The following COL28A1 variants were observed in gnomAD, a reference collection of about 807,000 sequenced individuals.
The protein encoded by COL28A1 is collagen type XXVIII alpha 1 chain.
COL28A1 carries 161 observed loss-of-function variants against 150.2 expected under a neutral mutation model. The observed-to-expected ratio is 1.07, with a 90% CI of 0.94 to 1.22. The LOEUF is 1.22. COL28A1 is among the 50% of genes most tolerant of loss of function. The pLI is 0.00. For missense variants in COL28A1, 1,617 were observed against 1,388.3 expected (o/e 1.16, Z -2.62); for synonymous variants, 552 against 469.7 (o/e 1.18, Z -2.26).
chr7:7,509,641 T>G (rs892409910), intron 9 of COL28A1, among the ~76,000 whole-genome samples: 1 of 150,242 alleles, frequency 6.7e-6, no homozygotes, highest in African/African-American at 2.4e-5. Flanking sequence ...AGTGGGTTTT[T>G]TTTGTTGTTG....
At chr7:7,368,445 C>G (rs1781053731) in intron 33 of COL28A1, among the ~76,000 whole-genome samples, 1 of 151,514 alleles carries the variant, frequency 6.6e-6, no homozygotes, top group African/African-American at 2.4e-5. Context: ...TTGAAAAACT[C>G]CTAGTTATTC....
At position 7,473,221 on chromosome 7, in the gene COL28A1, G is replaced by A. The variant is rs142809836; in HGVS notation, c.1302+1380C>T. Reference sequence around the variant, plus strand: ...AAGCTTTTTCACAGCAAAAGGCACAGCAAAAGGAACGGTTAGCAGAGTAAA... The same window carrying A: ...AAGCTTTTTCACAGCAAAAGGCACAACAAAAGGAACGGTTAGCAGAGTAAA... On this transcript the variant is annotated intron_variant, in intron 15 of 34. Transcript: ENST00000399429. Among the ~76,000 whole-genome samples the A allele has an allele frequency of 6.1e-4, 93 of 152,252 alleles. 1 individual carries two copies. Among genetic ancestry groups the A allele is most frequent in the African/African-American group, 2.0e-3 (85 of 41,554 alleles).
chr7:7,524,400 A>C (rs1028724317), intron 3 of COL28A1, 151 bp from the exon 4 acceptor site: 7 of 616,280 alleles, frequency 1.1e-5, no homozygotes, highest in African/African-American at 3.7e-5. Flanking sequence ...AAAACCAACC[A>C]GCCAACCACC....
chr7:7,346,535 C>A, the COL28A1 span, among the ~76,000 whole-genome samples: 93,091 of 151,864 alleles, frequency 0.61, 32,521 homozygotes, highest in East Asian at 0.87. Context: ...GTGGAAGTAG[C>A]AACTAAAGAA....
rs757545225 is a variant in COL28A1 at position 7,375,499 on chromosome 7, T to C, written c.2323-2A>G. On this transcript the variant is annotated splice_acceptor_variant, in intron 30 of 34. Transcript: ENST00000399429. LOFTEE classifies it high-confidence loss of function. Reference sequence around the variant, plus strand: ...AATAAGTTTGATAATTTCTTCTTTCTAGGGGATAAAAAGAAAAATGTATTA... The same window carrying C: ...AATAAGTTTGATAATTTCTTCTTTCCAGGGGATAAAAAGAAAAATGTATTA... The C allele has an allele frequency of 1.3e-6, 2 of 1,547,054 alleles. No homozygotes were observed. The highest frequency in any genetic ancestry group is 8.9e-7 in the Non-Finnish European group (1 of 1,128,138).
At chr7:7,397,124 A>G (rs1283888967) in intron 27 of COL28A1, among the ~76,000 whole-genome samples, 1 of 152,218 alleles carries the variant, frequency 6.6e-6, no homozygotes, top group East Asian at 1.9e-4. Flanking sequence ...GAAGTCTGAA[A>G]TCAATTTCAC....
intron 11 of COL28A1, among the ~76,000 whole-genome samples, chr7:7,498,450 T>G (rs1780337425): frequency 6.6e-6 from 1 of 152,100 alleles, no homozygotes; most frequent in Non-Finnish European, 1.5e-5. Flanking sequence ...AACTTACCCT[T>G]GGAGGCTGGG....
chr7:7,362,378 T>C (rs2128278951), intron 33 of COL28A1, among the ~76,000 whole-genome samples: 1 of 152,324 alleles, frequency 6.6e-6, no homozygotes, highest in East Asian at 1.9e-4. Flanking sequence ...TTTTTATTTA[T>C]TTAAATAGTC....
intron 17 of COL28A1, among the ~76,000 whole-genome samples, chr7:7,452,593 T>C (rs1786794719): frequency 6.6e-6 from 1 of 152,204 alleles, no homozygotes; most frequent in African/African-American, 2.4e-5. Flanking sequence ...GTTTGATGTA[T>C]ATATGGTCTG....
intron 26 of COL28A1, 77 bp from the exon 27 acceptor site, chr7:7,418,004 T>C: frequency 8.7e-7 from 1 of 1,146,134 alleles, no homozygotes; most frequent in Admixed American, 2.2e-5. Flanking sequence ...ATTACTACTC[T>C]CAGCTGCATT....
chr7:7,459,020 C>T (rs927052237), intron 15 of COL28A1, among the ~76,000 whole-genome samples: 14 of 152,086 alleles, frequency 9.2e-5, no homozygotes, highest in African/African-American at 3.4e-4. Flanking sequence ...ACATCAAGCC[C>T]TCTGAATCTA....
chr7:7,417,756 A>G, intron 27 of COL28A1, 103 bp downstream of exon 27: 1 of 941,290 alleles, frequency 1.1e-6, no homozygotes, highest in Non-Finnish European at 1.7e-6. Flanking sequence ...GAGGCTCACA[A>G]TAAATCTATT....
the COL28A1 span, among the ~76,000 whole-genome samples, chr7:7,343,701 T>C: frequency 6.6e-6 from 1 of 152,074 alleles, no homozygotes; most frequent in Non-Finnish European, 1.5e-5. Flanking sequence ...CATATTTCTC[T>C]TTCTATATTT....
intron 25 of COL28A1, among the ~76,000 whole-genome samples, chr7:7,425,225 G>T (rs993687163): frequency 6.6e-6 from 1 of 152,088 alleles, no homozygotes; most frequent in East Asian, 1.9e-4. Flanking sequence ...CCAAAAACCA[G>T]GCAGTCTGAA....
At chr7:7,474,778 G>A in intron 14 of COL28A1, 109 bp from the exon 15 acceptor site, 1 of 682,980 alleles carries the variant, frequency 1.5e-6, no homozygotes, top group Non-Finnish European at 2.6e-6. Context: ...TTTAAATAAA[G>A]CATCCAAAGT....
the COL28A1 span, among the ~76,000 whole-genome samples, chr7:7,347,783 A>T: frequency 1.3e-5 from 2 of 152,100 alleles, no homozygotes; most frequent in Non-Finnish European, 2.9e-5. Flanking sequence ...AACAAGCCCA[A>T]CCTAATATGT....
chr7:7,508,432 G>A (rs1297931459), intron 9 of COL28A1, among the ~76,000 whole-genome samples: 6 of 152,106 alleles, frequency 3.9e-5, no homozygotes, highest in African/African-American at 1.4e-4. Flanking sequence ...GAGGATGATG[G>A]AAGCAGAGAC....
intron 11 of COL28A1, among the ~76,000 whole-genome samples, chr7:7,496,873 T>C (rs962946187): frequency 4.3e-4 from 66 of 152,342 alleles, no homozygotes; most frequent in African/African-American, 1.5e-3. Flanking sequence ...AATATTCTAA[T>C]ACTTTTCAAA....
At chr7:7,350,791 A>G in the COL28A1 span, among the ~76,000 whole-genome samples, 1 of 152,002 alleles carries the variant, frequency 6.6e-6, no homozygotes, top group Non-Finnish European at 1.5e-5. Flanking sequence ...CGTACAAAAA[A>G]AAAGTATCCA....
Sources: allele counts gnomAD v4.1 joint callset (sites outside exome capture counted in the v4.1 genomes callset), GRCh38; gene constraint gnomAD v4.1.1; transcripts MANE v1.5; gene names NCBI Gene and HGNC (gene_info 2026-07-23, HGNC 2026-07-21).